The following PPEF2 variants were observed in gnomAD, a reference collection of about 807,000 sequenced individuals.
PPEF2 encodes protein phosphatase with EF-hand domain 2.
Under a neutral mutation model 84.7 loss-of-function variants are expected in PPEF2, and 84 were observed. The observed-to-expected ratio is 0.99, with a 90% CI of 0.83 to 1.19. The LOEUF (loss-of-function observed/expected upper bound fraction) is 1.19. PPEF2 is among the 50% of genes most tolerant of loss of function. The probability of loss-of-function intolerance (pLI) is 0.00; values close to 1 mark genes in which losing one functional copy is unlikely to be tolerated. For synonymous variants in PPEF2, 346 were observed against 345.2 expected (o/e 1.00, Z -0.03); for missense variants, 924 against 937.5 (o/e 0.99, Z 0.19).
At chr4:75,887,154 G>A (rs866233182) in intron 6 of PPEF2, among the ~76,000 whole-genome samples, 6 of 152,190 alleles carry the variant, frequency 3.9e-5, no homozygotes, top group South Asian at 4.1e-4. Context: ...AGATGCGATA[G>A]AATAGTGCAA....
intron 6 of PPEF2, among the ~76,000 whole-genome samples, chr4:75,887,572 G>A (rs568955945): frequency 2.0e-5 from 3 of 149,468 alleles, no homozygotes; most frequent in South Asian, 4.2e-4. Flanking sequence ...AGTGAGCCGA[G>A]ATTGCACCAC....
At chr4:75,863,166 C>T (rs1724045683) in intron 16 of PPEF2, among the ~76,000 whole-genome samples, 1 of 151,924 alleles carries the variant, frequency 6.6e-6, no homozygotes, top group Admixed American at 6.6e-5. Flanking sequence ...GGAGTAATTG[C>T]TAATAGGTAT....
Position 75,883,188 on chromosome 4 carries a change from T to C in PPEF2, c.761A>G (p.Lys254Arg), listed in dbSNP as rs1195342789. 6.2e-7 allele frequency: 1 copy of C among 1,613,630 alleles called. No individual in the cohort carries two copies. The highest frequency in any genetic ancestry group is 1.1e-5 in the South Asian group (1 of 91,072). The change falls in exon 9 of 17, where the codon AAG (lysine) becomes AGG (arginine). Residue 254 changes from lysine (K) to arginine (R), a missense_variant. Coordinates refer to ENST00000286719, the MANE Select transcript of PPEF2 (RefSeq NM_006239.3). ...CACCTTGTATTTATTCATCACTTCCTTGGTGAAGCCATATCTAGATTTAGA... is the reference window on the plus strand; with the variant it reads ...CACCTTGTATTTATTCATCACTTCCCTGGTGAAGCCATATCTAGATTTAGA... Reference protein sequence around the residue: ...HMVNLRYGFTKEVMNKYKVHG... With the variant: ...HMVNLRYGFTREVMNKYKVHG...
chr4:75,867,701 C>T (rs1724165143), intron 13 of PPEF2, among the ~76,000 whole-genome samples: 1 of 152,104 alleles, frequency 6.6e-6, no homozygotes, highest in Admixed American at 6.5e-5. Context: ...AGTTTTCCCA[C>T]CTGTAAAACA....
At chr4:75,893,687 A>ACTTGTG (rs1244396792) in intron 2 of PPEF2, among the ~76,000 whole-genome samples, 1 of 152,186 alleles carries the variant, frequency 6.6e-6, no homozygotes, top group Non-Finnish European at 1.5e-5. Flanking sequence ...CATAATTCAT[A>ACTTGTG]CTTGTGCTAA....
At chr4:75,879,297 AG>A (rs1245084969) in intron 10 of PPEF2, among the ~76,000 whole-genome samples, 1 of 152,216 alleles carries the variant, frequency 6.6e-6, no homozygotes, top group East Asian at 1.9e-4. Flanking sequence ...TTGCTTTAAA[AG>A]TCTCCTGAAA....
At chr4:75,881,865 C>T (rs1412735314) in intron 10 of PPEF2, 1 of 152,206 alleles carries the variant, frequency 6.6e-6, no homozygotes, top group African/African-American at 2.4e-5. Context: ...ATGTATGTCT[C>T]ATATACATAG....
Position 75,884,739 on chromosome 4 carries a change from G to C in PPEF2, c.601C>G (p.Arg201Gly), listed in dbSNP as rs761383219. Residue 201 changes from arginine (R) to glycine (G), a missense_variant, in exon 8 of 17, where the codon CGG (arginine) becomes GGG (glycine). Physicochemically the swap from Arg to Gly is moderately radical, Grantham distance 125. Coordinates refer to ENST00000286719, the MANE Select transcript of PPEF2 (RefSeq NM_006239.3). Reference protein sequence around the residue: ...FYKNGLPSPERSYVFNGDFVD... With the variant: ...FYKNGLPSPEGSYVFNGDFVD... ...AAGTCACCGTTGAACACATATGACC[G>C]TTCTGGCGACGGGAGGCCATTCTTT... The C allele has an allele frequency of 1.0e-5, 16 of 1,597,184 alleles. No individual in the cohort carries two copies. The highest frequency in any genetic ancestry group is 1.4e-5 in the Non-Finnish European group (16 of 1,174,346).
intron 16 of PPEF2, among the ~76,000 whole-genome samples, chr4:75,862,292 C>CAAA (rs545540824): frequency 9.0e-5 from 7 of 77,386 alleles, no homozygotes; most frequent in African/African-American, 3.4e-4. Flanking sequence ...GACTCCATCT[C>CAAA]AAAAAAAAAA....
intron 2 of PPEF2, among the ~76,000 whole-genome samples, chr4:75,894,553 A>G (rs1285011038): frequency 6.6e-6 from 1 of 152,248 alleles, no homozygotes; most frequent in African/African-American, 2.4e-5. Flanking sequence ...GACGGAACCC[A>G]TAGCCAAAGG....
chr4:75,885,706 A>T (rs1326957984), intron 7 of PPEF2, among the ~76,000 whole-genome samples: 1 of 152,140 alleles, frequency 6.6e-6, no homozygotes, highest in Non-Finnish European at 1.5e-5. Context: ...TCTATAAAAA[A>T]TATAAAAAAT....
intron 10 of PPEF2, 62 bp downstream of exon 10, chr4:75,882,864 A>G: frequency 6.5e-7 from 1 of 1,545,022 alleles, no homozygotes. Context: ...GTAAGATGAC[A>G]TTTATATTGG....
chr4:75,863,134 G>A (rs549444998), intron 16 of PPEF2, among the ~76,000 whole-genome samples: 3 of 152,244 alleles, frequency 2.0e-5, no homozygotes, highest in South Asian at 4.2e-4. Context: ...CCAGGGACTC[G>A]TGGAGGAGGG....
chr4:75,900,393 T>G (rs529841256), intron 1 of PPEF2, among the ~76,000 whole-genome samples: 83 of 152,206 alleles, frequency 5.5e-4, no homozygotes, highest in African/African-American at 1.8e-3. Context: ...CCACAAGAGA[T>G]GAAAGAAATG....
At position 75,860,168 on chromosome 4, in the gene PPEF2, G is replaced by C. The variant is rs375059583; in HGVS notation, c.*499C>G. 92 of 157,402 alleles carry C rather than the reference G, an allele frequency of 5.8e-4. No individual in the cohort carries two copies. Among genetic ancestry groups the C allele is most frequent in the Non-Finnish European group, 1.2e-3 (83 of 71,272 alleles). 9.8% of individuals were successfully genotyped at this position (157,402 alleles called of 1,614,324 possible). A position where few individuals can be genotyped will look rare whatever the true frequency, so the allele number is the denominator to read the frequency against. ...GTTCAAGACCAGCCTGACCAACATG[G>C]AGAAACCCTGTGTCTACTAAAAATA... On this transcript the variant is annotated 3_prime_UTR_variant, in exon 17 of 17. Coordinates refer to ENST00000286719, the MANE Select transcript of PPEF2 (RefSeq NM_006239.3).
intron 16 of PPEF2, among the ~76,000 whole-genome samples, chr4:75,863,887 T>G (rs562586591): frequency 6.6e-6 from 1 of 151,330 alleles, no homozygotes; most frequent in Non-Finnish European, 1.5e-5. Flanking sequence ...TTTTTTTTTT[T>G]TCCGCGACAG....
intron 16 of PPEF2, 80 bp from the exon 17 acceptor site, chr4:75,861,000 C>T: frequency 6.7e-7 from 1 of 1,494,046 alleles, no homozygotes; most frequent in South Asian, 1.2e-5. Flanking sequence ...TACAAGGACA[C>T]CTGCTCCCTA....
In PPEF2 at chr4:75,896,352, C is replaced by G. The variant is rs769703461; in HGVS notation, c.-27G>C. 1 of 1,612,232 alleles carries G rather than the reference C, an allele frequency of 6.2e-7. No homozygotes were observed. The highest frequency in any genetic ancestry group is 8.5e-7 in the Non-Finnish European group (1 of 1,178,268). On this transcript the variant is annotated 5_prime_UTR_variant, in exon 2 of 17. Coordinates refer to ENST00000286719, the MANE Select transcript of PPEF2 (RefSeq NM_006239.3). ...GTTTAAGCGCAATGCTCCTGCAGGA[C>G]GCAGCAGATCCAGAGGACAGTGAGC...
Position 75,867,381 on chromosome 4 carries a change from C to A in PPEF2, c.1688G>T (p.Arg563Met), listed in dbSNP as rs1724156425. 1.2e-6 allele frequency: 2 copies of A among 1,613,938 alleles called. No individual in the cohort carries two copies. Among genetic ancestry groups the A allele is most frequent in the African/African-American group, 2.7e-5 (2 of 74,916 alleles). Reference sequence around the variant, plus strand: ...TGAAGAATGAGCAAACAGCTTCTCCCTCAGAGCTCTCAGAGCCGACTCCTC... The same window carrying A: ...TGAAGAATGAGCAAACAGCTTCTCCATCAGAGCTCTCAGAGCCGACTCCTC... Reference protein sequence around the residue: ...RVEESALRALREKLFAHSSDL... With the variant: ...RVEESALRALMEKLFAHSSDL... Residue 563 changes from arginine (R) to methionine (M), a missense_variant, in exon 14 of 17, where the codon AGG becomes ATG. By Grantham distance (91) the Arg-to-Met change is moderately conservative (BLOSUM62 -1). Transcript: ENST00000286719.
Sources: allele counts gnomAD v4.1 joint callset (sites outside exome capture counted in the v4.1 genomes callset), GRCh38; gene constraint gnomAD v4.1.1; transcripts MANE v1.5; gene names NCBI Gene and HGNC (gene_info 2026-07-23, HGNC 2026-07-21).